The following SPOCK2 variants were observed in gnomAD, a reference collection of about 807,000 sequenced individuals.
SPOCK2 encodes the protein SPARC (osteonectin), cwcv and kazal like domains proteoglycan 2.
In SPOCK2, 39 loss-of-function variants were observed where a neutral mutation model predicts 60.1. The observed-to-expected ratio is 0.65, with a 90% CI of 0.50 to 0.85. The LOEUF (loss-of-function observed/expected upper bound fraction) is 0.85, where lower values mean the gene tolerates loss of function less well. Among genes scored for constraint, SPOCK2 ranks in the 40% least tolerant of loss-of-function variants. The probability of loss-of-function intolerance (pLI) is 0.00; values close to 1 mark genes in which losing one functional copy is unlikely to be tolerated. For missense variants in SPOCK2, 523 were observed against 567.4 expected, an observed-to-expected ratio of 0.92 and a Z score of 0.80; for synonymous variants, 217 against 231.5, an observed-to-expected ratio of 0.94 and a Z score of 0.57.
chr10:72,088,386 C>A lies in SPOCK2; in HGVS notation c.-58G>T. On this transcript the variant is annotated 5_prime_UTR_variant, in exon 1 of 11. It adds an upstream start codon to the 5' untranslated region. Coordinates refer to ENST00000373109, the MANE Select transcript of SPOCK2 (RefSeq NM_001244950.2). Reference sequence around the variant, plus strand: ...CTTCTGCAGTATTTTAATGTCCTTCCTCCCACCCCGCTGCTGGCGAAGCGC... The same window carrying A: ...CTTCTGCAGTATTTTAATGTCCTTCATCCCACCCCGCTGCTGGCGAAGCGC... 1 of 1,445,014 alleles carries A rather than the reference C, an allele frequency of 6.9e-7. No homozygotes were observed. Among genetic ancestry groups the A allele is most frequent in the South Asian group, 1.4e-5 (1 of 69,438 alleles). 89.5% of individuals were successfully genotyped at this position (1,445,014 alleles called of 1,614,324 possible).
At chr10:72,068,055 C>T in intron 6 of SPOCK2, 132 bp downstream of exon 6, 1 of 1,059,232 alleles carries the variant, frequency 9.4e-7, no homozygotes, top group Non-Finnish European at 1.4e-6. Flanking sequence ...GACCTCACAG[C>T]TCCCTCAAGC....
intron 1 of SPOCK2, among the ~76,000 whole-genome samples, chr10:72,085,450 C>G (rs574949254): frequency 2.0e-5 from 3 of 152,342 alleles, no homozygotes; most frequent in African/African-American, 7.2e-5. Flanking sequence ...AAGCTGCGCT[C>G]CCTCTCAACC....
In SPOCK2 at chr10:72,063,113, C is replaced by T. The variant is rs1429048850; in HGVS notation, c.1041G>A (p.Gln347=). 6.4e-7 allele frequency: 1 copy of T among 1,556,142 alleles called. No individual in the cohort carries two copies. The highest frequency in any genetic ancestry group is 1.9e-5 in the Admixed American group (1 of 51,734). ...CDEDGYYRKM[Q]CDQSSGDCWC... is the part of the protein sequence containing the mutation. ...AGCAGTCACCGCTGCTCTGGTCACA[C>T]TGCATCTTCCGGTAGTAGCCATCCT... The change falls in exon 10 of 11, where the codon CAG becomes CAA. Residue 347 remains glutamine (Q), a synonymous_variant. Coordinates refer to ENST00000373109, the MANE Select transcript of SPOCK2 (RefSeq NM_001244950.2).
intron 8 of SPOCK2, among the ~76,000 whole-genome samples, chr10:72,066,632 T>G (rs890911531): frequency 3.3e-5 from 5 of 152,020 alleles, no homozygotes; most frequent in Non-Finnish European, 7.4e-5. Context: ...AACTCTTTCT[T>G]AAAGAAGACC....
intron 1 of SPOCK2, among the ~76,000 whole-genome samples, chr10:72,078,705 C>T (rs1840747819): frequency 6.6e-6 from 1 of 152,128 alleles, no homozygotes; most frequent in Non-Finnish European, 1.5e-5. Flanking sequence ...CAAACCCCAG[C>T]ACAGCTGTCT....
At position 72,062,749 on chromosome 10, in the gene SPOCK2, C is replaced by T. The variant is rs1530803; in HGVS notation, c.*11G>A. ...GTTGAGTCCCCCCCGGCAGCCGGCT[C>T]CTGAGGGCGTCTACCAGATGTAGCC... On this transcript the variant is annotated 3_prime_UTR_variant, in exon 11 of 11. Coordinates refer to ENST00000373109, the MANE Select transcript of SPOCK2 (RefSeq NM_001244950.2). The surrounding 1 kb of genome is among the most constrained non-coding windows in gnomAD (Gnocchi z 4.3). The T allele has an allele frequency of 0.42, 673,563 of 1,593,510 alleles. 147,661 individuals carry two copies. Among genetic ancestry groups the T allele is most frequent in the Non-Finnish European group, 0.46 (538,992 of 1,175,312 alleles).
Position 72,087,090 on chromosome 10 carries a change from C to G in SPOCK2, c.189+1050G>C. 1 of 1,368,620 alleles carries G rather than the reference C, an allele frequency of 7.3e-7. No homozygotes were observed. The highest frequency in any genetic ancestry group is 9.9e-7 in the Non-Finnish European group (1 of 1,014,458). 84.8% of individuals were successfully genotyped at this position (1,368,620 alleles called of 1,614,324 possible). ...TCGCCAGGAGCAGCCGGCGTCGCCTCTGGCGCATCCGGGCCCATCCCCCAC... is the reference window on the plus strand; with the variant it reads ...TCGCCAGGAGCAGCCGGCGTCGCCTGTGGCGCATCCGGGCCCATCCCCCAC... On this transcript the variant is annotated intron_variant, in intron 1 of 10. Transcript: ENST00000373109. The surrounding 1 kb of genome is among the most constrained non-coding windows in gnomAD (Gnocchi z 4.7).
intron 1 of SPOCK2, chr10:72,086,641 G>T (rs1028572688): frequency 5.4e-5 from 66 of 1,223,942 alleles, no homozygotes; most frequent in Non-Finnish European, 6.1e-5. Flanking sequence ...GGAAGGCCTC[G>T]CGGGGCTCCA....
Position 72,072,489 on chromosome 10 carries a change from G to A in SPOCK2, c.244+14C>T, listed in dbSNP as rs769952710. ...CGTGTCAGTCACCTTCCCCCGCCGG[G>A]AGAGTCATGTTACCTTCATCTCCTT... On this transcript the variant is annotated intron_variant, in intron 3 of 10. Transcript: ENST00000373109. 80 of 1,613,834 alleles carry A rather than the reference G, an allele frequency of 5.0e-5. 1 individual carries two copies. Among genetic ancestry groups the A allele is most frequent in the Non-Finnish European group, 6.6e-5 (78 of 1,180,022 alleles).
At chr10:72,072,776 T>G in intron 2 of SPOCK2, 126 bp downstream of exon 2, 1 of 1,455,862 alleles carries the variant, frequency 6.9e-7, no homozygotes, top group Non-Finnish European at 9.4e-7. Context: ...GAGCTCCTGA[T>G]TGCTCCCATG....
chr10:72,075,759 G>C (rs1490471291), intron 1 of SPOCK2, among the ~76,000 whole-genome samples: 1 of 152,134 alleles, frequency 6.6e-6, no homozygotes, highest in Non-Finnish European at 1.5e-5. Context: ...GGCCAGGCTG[G>C]GCAGGCAGGA....
chr10:72,086,314 C>T, intron 1 of SPOCK2: 1 of 992,364 alleles, frequency 1.0e-6, no homozygotes, highest in Non-Finnish European at 1.2e-6. Context: ...TAGCCCAGTG[C>T]CATGGGGTCA....
Position 72,067,026 on chromosome 10 carries a change from C to A in SPOCK2, c.804G>T (p.Thr268=). The A allele has an allele frequency of 1.2e-6, 2 of 1,614,226 alleles. No homozygotes were observed. Among genetic ancestry groups the A allele is most frequent in the Non-Finnish European group, 1.7e-6 (2 of 1,180,048 alleles). The change falls in exon 8 of 11, where the codon ACG becomes ACT. Residue 268 remains threonine (T), a synonymous_variant. Coordinates refer to ENST00000373109, the MANE Select transcript of SPOCK2 (RefSeq NM_001244950.2). ...DTSADLFLDQ[T]ELAAINLDKY... ...TGTCCAGGTTGATGGCGGCCAGCTC[C>A]GTCTGGTCCAGGAAGAGGTCAGCAC...
At chr10:72,086,392 G>T (rs1024576002) in intron 1 of SPOCK2, 1 of 1,000,582 alleles carries the variant, frequency 1.0e-6, no homozygotes, top group Non-Finnish European at 1.2e-6. Context: ...GGGAGGTGGG[G>T]AGGAATCTTT....
rs752654446 is a variant in SPOCK2, at chr10:72,064,170, C to T, written c.991+8G>A. On this transcript the variant is annotated splice_region_variant and intron_variant, in intron 9 of 10. Coordinates refer to ENST00000373109, the MANE Select transcript of SPOCK2 (RefSeq NM_001244950.2). ...CTCCTCCTCTGAGAGCCTGGTCTGGCCCCTCACCTGGCTTCTTCTTGGCGG... is the reference window on the plus strand; with the variant it reads ...CTCCTCCTCTGAGAGCCTGGTCTGGTCCCTCACCTGGCTTCTTCTTGGCGG... 5.6e-6 allele frequency: 9 copies of T among 1,612,022 alleles called. No individual in the cohort carries two copies. In the Admixed American group the frequency reaches 1.3e-4, roughly 24 times the overall value.
At chr10:72,077,992 G>GTC (rs140382530) in intron 1 of SPOCK2, among the ~76,000 whole-genome samples, 1 of 152,110 alleles carries the variant, frequency 6.6e-6, no homozygotes, top group Non-Finnish European at 1.5e-5. Flanking sequence ...TTCTGACCCG[G>GTC]TCTCTCTCTC....
intron 1 of SPOCK2, 26 bp downstream of exon 1, chr10:72,088,114 C>T: frequency 1.2e-6 from 2 of 1,609,622 alleles, no homozygotes; most frequent in Non-Finnish European, 8.5e-7. Flanking sequence ...CCCCGGGTCT[C>T]TGCCTTGGCA....
intron 1 of SPOCK2, among the ~76,000 whole-genome samples, chr10:72,074,687 G>C (rs1204845190): frequency 6.6e-6 from 1 of 152,212 alleles, no homozygotes; most frequent in Admixed American, 6.5e-5. Flanking sequence ...TCCGCAGTGA[G>C]AGAAGGAGGC....
At chr10:72,064,384 G>T in intron 8 of SPOCK2, 144 bp from the exon 9 acceptor site, 1 of 887,494 alleles carries the variant, frequency 1.1e-6, no homozygotes, top group Non-Finnish European at 1.6e-6. Context: ...CCACAGCAGG[G>T]GTGGGAAGTA....
Sources: allele counts gnomAD v4.1 joint callset (sites outside exome capture counted in the v4.1 genomes callset), GRCh38; gene constraint gnomAD v4.1.1; non-coding constraint Gnocchi (gnomAD v3.1); transcripts MANE v1.5; gene names NCBI Gene and HGNC (gene_info 2026-07-23, HGNC 2026-07-21).